Variants in TKFC observed in about 807,000 individuals in gnomAD.
TKFC encodes the protein triokinase/FMN cyclase.
In TKFC, 46 loss-of-function variants were observed where a neutral mutation model predicts 61.0. That is an observed-to-expected ratio of 0.75 (90% CI 0.60 to 0.96). TKFC has a LOEUF of 0.96. Ranked by LOEUF, TKFC falls within the 50% of genes least tolerant of loss-of-function variation. The pLI, the probability that TKFC is intolerant of heterozygous loss-of-function variation, is 0.00. For synonymous variants in TKFC, 314 were observed against 330.1 expected, an observed-to-expected ratio of 0.95 and a Z score of 0.53; for missense variants, 715 against 777.5, an observed-to-expected ratio of 0.92 and a Z score of 0.96.
chr11:61,345,678 A>T, intron 15 of TKFC, 34 bp from the exon 16 acceptor site: 1 of 1,614,192 alleles, frequency 6.2e-7, no homozygotes, highest in South Asian at 1.1e-5. Flanking sequence ...TTGGTTCCCT[A>T]TAGTGAGCCT....
In TKFC at chr11:61,348,521, G is replaced by T; in HGVS notation, c.*2018G>T. The T allele has an allele frequency of 1.0e-6, 1 of 983,932 alleles. No individual in the cohort carries two copies. 61.0% of individuals were successfully genotyped at this position (983,932 alleles called of 1,614,324 possible). A position where few individuals can be genotyped will look rare whatever the true frequency, so the allele number is the denominator to read the frequency against. The stretch of plus-strand genomic sequence containing the variant: ...ATGTTTGTGTCCCCCCCAAATTCCT[G>T]TGTTGAAAGGCTCACCCCCACTATG... On this transcript the variant is annotated 3_prime_UTR_variant, in exon 18 of 18. Transcript: ENST00000394900.
chr11:61,347,437 G>T lies in TKFC; in HGVS notation c.*934G>T. The T allele has an allele frequency of 1.1e-6, 1 of 925,736 alleles. No homozygotes were observed. The highest frequency in any genetic ancestry group is 1.3e-6 in the Non-Finnish European group (1 of 775,866). 57.3% of individuals were successfully genotyped at this position (925,736 alleles called of 1,614,324 possible). On this transcript the variant is annotated 3_prime_UTR_variant, in exon 18 of 18. Coordinates refer to ENST00000394900, the MANE Select transcript of TKFC (RefSeq NM_015533.4). Reference sequence around the variant, plus strand: ...TGTGCCTATAGTCCTAACTTGGGAGGCTGAGTTGGGAGGATGGCTTGGGCC... The same window carrying T: ...TGTGCCTATAGTCCTAACTTGGGAGTCTGAGTTGGGAGGATGGCTTGGGCC...
downstream of TKFC, chr11:61,350,653 GC>G (rs545330978): frequency 1.2e-4 from 71 of 608,286 alleles, no homozygotes; most frequent in African/African-American, 1.1e-3. Flanking sequence ...CACTAGACTA[GC>G]CCCCAGGCTG....
rs372987609 is a variant in TKFC, at chr11:61,343,355, G to A, written c.879G>A (p.Val293=). ...ATVRSLEGRG[V]KIARALVGTF... Reference sequence around the variant, plus strand: ...CTGGTATTGCAGAGGGCCGCGGGGTGAAGATTGCCCGTGCCCTGGTGGGCA... The same window carrying A: ...CTGGTATTGCAGAGGGCCGCGGGGTAAAGATTGCCCGTGCCCTGGTGGGCA... The change falls in exon 11 of 18, where the codon GTG becomes GTA. Residue 293 remains valine (V), a synonymous_variant. Transcript: ENST00000394900. The A allele has an allele frequency of 1.2e-6, 2 of 1,614,176 alleles. No homozygotes were observed. Among genetic ancestry groups the A allele is most frequent in the Admixed American group, 1.7e-5 (1 of 60,032 alleles).
At position 61,343,390 on chromosome 11, in the gene TKFC, C is replaced by T. The variant is rs549451122; in HGVS notation, c.914C>T (p.Ser305Leu). Reference sequence around the variant, plus strand: ...CGTGCCCTGGTGGGCACCTTCATGTCAGCACTGGAGATGCCTGGCATTTCT... The same window carrying T: ...CGTGCCCTGGTGGGCACCTTCATGTTAGCACTGGAGATGCCTGGCATTTCT... Reference protein sequence around the residue: ...IARALVGTFMSALEMPGISLT... With the variant: ...IARALVGTFMLALEMPGISLT... The change falls in exon 11 of 18, where the codon TCA becomes TTA. Residue 305 changes from serine to leucine, a missense_variant. Ser to Leu is a moderately radical substitution (Grantham distance 145). Coordinates refer to ENST00000394900, the MANE Select transcript of TKFC (RefSeq NM_015533.4). 4.3e-6 allele frequency: 7 copies of T among 1,614,196 alleles called. No homozygotes were observed. The African/African-American group carries it at 6.7e-5, about 15-fold the overall frequency.
intron 1 of TKFC, chr11:61,334,337 TAG>T (rs1222941673): frequency 5.7e-6 from 1 of 176,636 alleles, no homozygotes; most frequent in Non-Finnish European, 1.2e-5. Context: ...GTGTAAAAGA[TAG>T]TTATTCTGAG....
In TKFC at chr11:61,339,327, G is replaced by A. The variant is rs532277913; in HGVS notation, c.378G>A (p.Arg126=). ...TCGGCCTGGCCCGGGAGCAGGCCCGGGCTGAAGGCATCCCGGTGGAGATGG... is the reference window on the plus strand; with the variant it reads ...TCGGCCTGGCCCGGGAGCAGGCCCGAGCTGAAGGCATCCCGGTGGAGATGG... ...LNFGLAREQA[R]AEGIPVEMVV... The change falls in exon 5 of 18, where the codon CGG becomes CGA. Residue 126 remains arginine (R), a synonymous_variant. Transcript: ENST00000394900. 3 of 1,613,922 alleles carry A rather than the reference G, an allele frequency of 1.9e-6. No individual in the cohort carries two copies. The highest frequency in any genetic ancestry group is 2.7e-5 in the African/African-American group (2 of 75,078).
At chr11:61,341,535 T>C (rs1459714073) in intron 6 of TKFC, 21 bp downstream of exon 6, 16 of 1,553,196 alleles carry the variant, frequency 1.0e-5, no homozygotes, top group Non-Finnish European at 1.4e-5. Context: ...GCCTGGGAGC[T>C]GGGGAAGAGA....
Position 61,343,969 on chromosome 11 carries a change from G to T in TKFC, c.1096G>T (p.Ala366Ser). 6.2e-7 allele frequency: 1 copy of T among 1,611,098 alleles called. No individual in the cohort carries two copies. ...EPQEAPDSTA[A>S]GGSASKRMAL... ...CCAGGAGGCCCCTGATTCCACTGCT[G>T]CAGGAGGTACCAACCCCTGCCTTTG... Residue 366 changes from alanine to serine, a missense_variant, in exon 12 of 18, where the codon GCA becomes TCA. Coordinates refer to ENST00000394900, the MANE Select transcript of TKFC (RefSeq NM_015533.4).
At position 61,338,398 on chromosome 11, in the gene TKFC, G is replaced by A. The variant is rs577744287; in HGVS notation, c.193+268G>A. Among the ~76,000 whole-genome samples, 3 of 152,164 alleles carry A rather than the reference G, an allele frequency of 2.0e-5. 1 individual carries two copies. Among genetic ancestry groups the A allele is most frequent in the South Asian group, 2.1e-4 (1 of 4,818 alleles). ...GAGTCGGTGATTCCATGAATCTTCT[G>A]GACCCTCCAAGCCCAGCAGACCCAC... On this transcript the variant is annotated intron_variant, in intron 3 of 17. Coordinates refer to ENST00000394900, the MANE Select transcript of TKFC (RefSeq NM_015533.4).
At chr11:61,351,875 T>C (rs565459909), downstream of TKFC, 1 of 152,228 alleles carries the variant, frequency 6.6e-6, no homozygotes, top group Non-Finnish European at 1.5e-5. Context: ...GGTCACACCA[T>C]TGCTCTCCAA....
chr11:61,339,420 G>C lies in TKFC; in HGVS notation c.471G>C (p.Thr157=), dbSNP rs2513329. ...CAGGCCGGCGGGGGCTGTGCGGCACGGTGCTTATACACAAGGTGGGCTTCC... is the reference window on the plus strand; with the variant it reads ...CAGGCCGGCGGGGGCTGTGCGGCACCGTGCTTATACACAAGGTGGGCTTCC... ...KKAGRRGLCG[T]VLIHKVAGAL... Residue 157 remains threonine, a synonymous_variant, in exon 5 of 18, where the codon ACG becomes ACC. Coordinates refer to ENST00000394900, the MANE Select transcript of TKFC (RefSeq NM_015533.4). 1,535,766 of 1,611,142 alleles carry C rather than the reference G, an allele frequency of 0.95. 745,389 individuals are homozygous for C. Among genetic ancestry groups the C allele is most frequent in the Non-Finnish European group, 0.99 (1,170,064 of 1,179,038 alleles).
downstream of TKFC, chr11:61,352,784 TCAAAC>T (rs1857475317): frequency 7.0e-7 from 1 of 1,432,202 alleles, no homozygotes; most frequent in East Asian, 2.5e-5. Flanking sequence ...AGGTGCTAAA[TCAAAC>T]TGATGCTCAA....
chr11:61,336,754 C>T (rs760631657), intron 2 of TKFC, among the ~76,000 whole-genome samples: 13 of 152,196 alleles, frequency 8.5e-5, no homozygotes, highest in Non-Finnish European at 1.8e-4. Context: ...CCTGTATCCA[C>T]TCAGCCAAGC....
chr11:61,341,776 A>G (rs1421379227), intron 6 of TKFC, 47 bp from the exon 7 acceptor site: 3 of 1,554,872 alleles, frequency 1.9e-6, no homozygotes, highest in African/African-American at 2.7e-5. Flanking sequence ...CCTGATGCCC[A>G]GTGCTAAGAG....
chr11:61,350,792 G>A (rs1857367794), downstream of TKFC: 1 of 705,054 alleles, frequency 1.4e-6, no homozygotes, highest in Non-Finnish European at 2.2e-6. Context: ...GGACAGACTG[G>A]GGAGTCCCAG....
rs35120773 is a variant in TKFC at position 61,344,171 on chromosome 11, C to CG, written c.1141dup (p.Val381GlyfsTer21). On this transcript the variant is annotated frameshift_variant, in exon 13 of 18. Transcript: ENST00000394900. LOFTEE classifies it high-confidence loss of function. ...GAAGCGGATGGCGCTGGTGCTGGAA[C>CG]GGGTGTGCAGCACTCTCCTGGGCCT... is the stretch of plus-strand genomic sequence containing the variant. The CG allele has an allele frequency of 6.2e-7, 1 of 1,612,376 alleles. No individual in the cohort carries two copies. The highest frequency in any genetic ancestry group is 1.7e-5 in the Admixed American group (1 of 60,012).
Position 61,346,135 on chromosome 11 carries a change from C to T in TKFC, c.1575+189C>T. Reference sequence around the variant, plus strand: ...AAATATGTAGAGCCCCGCACACTGCCTGGGATGTGACAGGGCCTCAGTGAA... The same window carrying T: ...AAATATGTAGAGCCCCGCACACTGCTTGGGATGTGACAGGGCCTCAGTGAA... On this transcript the variant is annotated intron_variant, in intron 17 of 17. Transcript: ENST00000394900. This position sits in a 1 kb window ranked among gnomAD's most constrained non-coding sequence, Gnocchi z 4.1. 1 of 1,233,382 alleles carries T rather than the reference C, an allele frequency of 8.1e-7. No homozygotes were observed. The highest frequency in any genetic ancestry group is 1.1e-6 in the Non-Finnish European group (1 of 906,508). The allele number at this position is 1,233,382 out of a possible 1,614,324, so 76.4% of individuals were successfully genotyped here.
At chr11:61,353,298 G>A, downstream of TKFC, 1 of 931,084 alleles carries the variant, frequency 1.1e-6, no homozygotes, top group Non-Finnish European at 1.6e-6. Context: ...CTTCCTCATT[G>A]TGGCCTATTA....
Sources: allele counts gnomAD v4.1 joint callset (sites outside exome capture counted in the v4.1 genomes callset), GRCh38; gene constraint gnomAD v4.1.1; non-coding constraint Gnocchi (gnomAD v3.1); transcripts MANE v1.5; gene names NCBI Gene and HGNC (gene_info 2026-07-23, HGNC 2026-07-21).